ZNF385A: variants seen among roughly 807,000 people sequenced by gnomAD.
ZNF385A encodes zinc finger protein 385A, also known as hematopoietic zinc finger protein.
ZNF385A carries 14 observed loss-of-function variants against 32.1 expected under a neutral mutation model. The ratio of observed to expected loss-of-function variants is 0.44; its 90% confidence interval spans 0.29 to 0.68. The LOEUF (loss-of-function observed/expected upper bound fraction) is 0.68, where lower values mean the gene tolerates loss of function less well. ZNF385A is among the 30% of genes least tolerant of loss of function. The pLI, the probability that ZNF385A is intolerant of heterozygous loss-of-function variation, is 0.14. For synonymous variants in ZNF385A, 197 were observed against 202.7 expected, an observed-to-expected ratio of 0.97 and a Z score of 0.24; for missense variants, 406 against 478.4, an observed-to-expected ratio of 0.85 and a Z score of 1.41.
Position 54,374,115 on chromosome 12 carries a change from G to A in ZNF385A, c.219C>T (p.Tyr73=). 3 of 1,562,434 alleles carry A rather than the reference G, an allele frequency of 1.9e-6. No homozygotes were observed. ...CTCGTCGGGCGTGGCGATTACCTTT[G>A]TAGTGCGCCTCAGCCTGGCTCTTTA... ...FNSQSQAEAH[Y]KGNRHARRVK... Residue 73 remains tyrosine, a synonymous_variant, in exon 3 of 7, where the codon TAC becomes TAT. Transcript: ENST00000394313.
At chr12:54,385,045 G>T (rs1955401031), upstream of ZNF385A, 5 of 254,630 alleles carry the variant, frequency 2.0e-5, no homozygotes, top group South Asian at 2.9e-4. Context: ...TTTGGAGGGG[G>T]GCTGCTGAAT....
chr12:54,376,164 C>T (rs1954841279), intron 1 of ZNF385A, among the ~76,000 whole-genome samples: 1 of 152,164 alleles, frequency 6.6e-6, no homozygotes, highest in African/African-American at 2.4e-5. Flanking sequence ...CCCAATGCTC[C>T]CATTTTACAG....
Position 54,370,746 on chromosome 12 carries a change from C to A in ZNF385A, c.775-25G>T. The stretch of plus-strand genomic sequence containing the variant: ...GCTGCGGGGGCCAGTGGATAGGGGG[C>A]TGTGAGCTCCCGGAAAGGGGCAACA... On this transcript the variant is annotated intron_variant, in intron 5 of 6. Transcript: ENST00000394313. This position sits in a 1 kb window ranked among gnomAD's most constrained non-coding sequence, Gnocchi z 5.5. The A allele has an allele frequency of 6.3e-7, 1 of 1,576,586 alleles. No individual in the cohort carries two copies. The highest frequency in any genetic ancestry group is 8.6e-7 in the Non-Finnish European group (1 of 1,164,794).
intron 1 of ZNF385A, among the ~76,000 whole-genome samples, chr12:54,376,352 A>G (rs1237211915): frequency 1.3e-5 from 2 of 152,060 alleles, no homozygotes; most frequent in Admixed American, 6.5e-5. Flanking sequence ...AAAGCACCCT[A>G]GATCCTAGGG....
intron 1 of ZNF385A, among the ~76,000 whole-genome samples, chr12:54,390,842 G>A (rs1006235155): frequency 6.6e-6 from 1 of 151,872 alleles, no homozygotes; most frequent in Non-Finnish European, 1.5e-5. Context: ...GCTAAGGGTG[G>A]GGGAAGACGC....
At chr12:54,384,801 T>C, upstream of ZNF385A, 1 of 1,231,576 alleles carries the variant, frequency 8.1e-7, no homozygotes, top group East Asian at 3.2e-5. Context: ...TTCCCCCTTT[T>C]CCAGCCTCCC....
At position 54,370,524 on chromosome 12, in the gene ZNF385A, G is replaced by T. The variant is rs1227119483; in HGVS notation, c.871-38C>A. On this transcript the variant is annotated intron_variant, in intron 6 of 6. Coordinates refer to ENST00000394313, the MANE Select transcript of ZNF385A (RefSeq NM_015481.3). This position sits in a 1 kb window ranked among gnomAD's most constrained non-coding sequence, Gnocchi z 5.5. ...AAAGGCGGAGGAAGAGAAGTCACCC[G>T]GCGGTCCTGCAAACCCCACCTCTCC... 5 of 1,550,392 alleles carry T rather than the reference G, an allele frequency of 3.2e-6. No individual in the cohort carries two copies. The African/African-American group carries it at 6.8e-5, about 21-fold the overall frequency.
chr12:54,376,313 T>C (rs1340373592), intron 1 of ZNF385A, among the ~76,000 whole-genome samples: 1 of 151,986 alleles, frequency 6.6e-6, no homozygotes, highest in Admixed American at 6.6e-5. Flanking sequence ...GTGAAGCCAA[T>C]CCACCAGAGG....
chr12:54,371,855 C>G, intron 3 of ZNF385A, 140 bp from the exon 4 acceptor site: 1 of 1,253,142 alleles, frequency 8.0e-7, no homozygotes, highest in Non-Finnish European at 1.1e-6. Flanking sequence ...GCTCTCATGC[C>G]CTGGTCCAGA....
chr12:54,384,631 C>T lies in ZNF385A; in HGVS notation c.-117G>A, dbSNP rs959394389. ...AGCTTGGGAACCCCACCCAAGCCTG[C>T]CAGTCCCACTCCCTAGCCAGGGCCC... On this transcript the variant is annotated 5_prime_UTR_variant, in exon 1 of 7. Coordinates refer to ENST00000394313, the MANE Select transcript of ZNF385A (RefSeq NM_015481.3). 4.9e-6 allele frequency: 7 copies of T among 1,423,118 alleles called. No individual in the cohort carries two copies. The East Asian group carries it at 1.1e-4, about 22-fold the overall frequency. The allele number at this position is 1,423,118 out of a possible 1,614,324, so 88.2% of individuals were successfully genotyped here. A position where few individuals can be genotyped will look rare whatever the true frequency, so the allele number is the denominator to read the frequency against.
intron 1 of ZNF385A, among the ~76,000 whole-genome samples, chr12:54,378,615 C>G (rs192875001): frequency 6.6e-6 from 1 of 151,872 alleles, no homozygotes. Context: ...AAAATTAAGA[C>G]GAAAAGGGAA....
chr12:54,378,934 G>T, intron 1 of ZNF385A: 1 of 473,454 alleles, frequency 2.1e-6, no homozygotes, highest in Non-Finnish European at 2.8e-6. Context: ...CCGATGTGGG[G>T]GATGGGCCGG....
intron 1 of ZNF385A, among the ~76,000 whole-genome samples, chr12:54,390,312 C>T (rs1955601200): frequency 6.6e-6 from 1 of 152,052 alleles, no homozygotes; most frequent in South Asian, 2.1e-4. Flanking sequence ...ATGCAGAGTC[C>T]AGAGCACAGC....
At chr12:54,390,774 C>G (rs1290320202) in intron 1 of ZNF385A, among the ~76,000 whole-genome samples, 2 of 151,890 alleles carry the variant, frequency 1.3e-5, no homozygotes, top group Non-Finnish European at 2.9e-5. Flanking sequence ...TCTCCTTCCA[C>G]CCCCCACTTC....
At chr12:54,386,173 GACACACACACACACAC>G (rs57780822), upstream of ZNF385A, among the ~76,000 whole-genome samples, 1 of 138,036 alleles carries the variant, frequency 7.2e-6, no homozygotes, top group Admixed American at 7.5e-5. Context: ...GTGGAGAGAG[GACACACACACACACAC>G]ACACACACAC....
chr12:54,387,889 G>A (rs933041361), upstream of ZNF385A, among the ~76,000 whole-genome samples: 1 of 151,834 alleles, frequency 6.6e-6, no homozygotes, highest in Non-Finnish European at 1.5e-5. Flanking sequence ...CACTTTTCTG[G>A]GTAGATCTGG....
At position 54,377,620 on chromosome 12, in the gene ZNF385A, G is replaced by A. The variant is rs2137226717; in HGVS notation, c.88-1666C>T. Among the ~76,000 whole-genome samples, 4 of 152,312 alleles carry A rather than the reference G, an allele frequency of 2.6e-5. No individual in the cohort carries two copies. In the South Asian group the frequency reaches 8.3e-4, roughly 32 times the overall value. On this transcript the variant is annotated intron_variant, in intron 1 of 6. Transcript: ENST00000394313. ...GTTTATCTGTGTAAATGTATGATGTGTTTGGCAGAAAGAAAGACAGACCAA... is the reference window on the plus strand; with the variant it reads ...GTTTATCTGTGTAAATGTATGATGTATTTGGCAGAAAGAAAGACAGACCAA...
chr12:54,378,492 A>C (rs902713828), intron 1 of ZNF385A, among the ~76,000 whole-genome samples: 6 of 152,166 alleles, frequency 3.9e-5, no homozygotes, highest in African/African-American at 1.2e-4. Context: ...GGGAGAGGGA[A>C]GGTGGAAACC....
At chr12:54,390,146 G>C (rs1955597472) in intron 1 of ZNF385A, among the ~76,000 whole-genome samples, 1 of 152,122 alleles carries the variant, frequency 6.6e-6, no homozygotes, top group African/African-American at 2.4e-5. Flanking sequence ...CTCGGTTGGG[G>C]GCAGGGAGAC....
Sources: gnomAD v4.1 joint callset for allele counts (sites outside exome capture counted in the v4.1 genomes callset) on GRCh38, gnomAD v4.1.1 for gene constraint, Gnocchi (gnomAD v3.1) non-coding constraint, MANE v1.5 for transcripts, NCBI Gene and HGNC (gene_info 2026-07-23, HGNC 2026-07-21) for gene names.